The following COL6A5 variants were observed in gnomAD, a reference collection of about 807,000 sequenced individuals.
COL6A5 encodes collagen alpha-5(VI) chain.
COL6A5 carries 48 observed loss-of-function variants against 65.6 expected under a neutral mutation model. The ratio of observed to expected loss-of-function variants is 0.73; its 90% confidence interval spans 0.58 to 0.93. COL6A5 has a LOEUF of 0.93. Ranked by LOEUF, COL6A5 falls within the 40% of genes least tolerant of loss-of-function variation. The pLI, the probability that COL6A5 is intolerant of heterozygous loss-of-function variation, is 0.00. For missense variants in COL6A5, 914 were observed against 928.3 expected (o/e 0.98, Z 0.20); for synonymous variants, 291 against 322.8 (o/e 0.90, Z 1.05).
exon 6 of COL6A5, chr3:130,468,919 T>G (rs749209048): frequency 5.8e-5 from 93 of 1,612,492 alleles, no homozygotes; most frequent in Non-Finnish European, 7.6e-5. Context: ...TAGGAAGTGA[T>G]GAGTTTAAGG....
chr3:130,413,452 T>TA (rs1156624467), intron 20 of COL6A5, 93 bp from the exon 21 acceptor site: 3 of 1,183,902 alleles, frequency 2.5e-6, no homozygotes, highest in Non-Finnish European at 3.7e-6. Context: ...GCTCATTACT[T>TA]ATGTCTAGCA....
At chr3:130,419,152 G>A (rs779224169) in intron 25 of COL6A5, among the ~76,000 whole-genome samples, 1 of 152,074 alleles carries the variant, frequency 6.6e-6, no homozygotes, top group Non-Finnish European at 1.5e-5. Flanking sequence ...GGTAGGCAGA[G>A]AGGATAATGG....
chr3:130,445,072 G>C (rs1260745148), intron 4 of COL6A5, among the ~76,000 whole-genome samples: 1 of 152,210 alleles, frequency 6.6e-6, no homozygotes, highest in Non-Finnish European at 1.5e-5. Flanking sequence ...GCCTTGTTGA[G>C]AATTCCACAT....
At chr3:130,387,981 A>C (rs2107649571) in intron 5 of COL6A5, among the ~76,000 whole-genome samples, 1 of 151,926 alleles carries the variant, frequency 6.6e-6, no homozygotes, top group South Asian at 2.1e-4. Context: ...TCCAATCAGT[A>C]GGCTGTCTAC....
intron 5 of COL6A5, among the ~76,000 whole-genome samples, chr3:130,386,276 T>A (rs1322266731): frequency 6.6e-6 from 1 of 152,056 alleles, no homozygotes; most frequent in Admixed American, 6.6e-5. Flanking sequence ...TCCTTGTTTG[T>A]AGGCTTATTG....
intron 4 of COL6A5, among the ~76,000 whole-genome samples, chr3:130,452,986 T>C (rs564657333): frequency 8.5e-5 from 13 of 152,286 alleles, no homozygotes; most frequent in African/African-American, 2.4e-4. Flanking sequence ...AGCTCACCAG[T>C]GGTCAGAGTT....
At chr3:130,411,947 C>T (rs1403313643) in intron 20 of COL6A5, among the ~76,000 whole-genome samples, 3 of 152,136 alleles carry the variant, frequency 2.0e-5, no homozygotes, top group Non-Finnish European at 4.4e-5. Flanking sequence ...AACTTTCCGA[C>T]GCAGAATAGA....
At chr3:130,472,984 C>A (rs1189037854) in intron 7 of COL6A5, among the ~76,000 whole-genome samples, 1 of 145,056 alleles carries the variant, frequency 6.9e-6, no homozygotes, top group Non-Finnish European at 1.5e-5. Flanking sequence ...ACAAAATCAG[C>A]AAAATGATGG....
intron 5 of COL6A5, among the ~76,000 whole-genome samples, chr3:130,468,296 T>C (rs1709864006): frequency 1.3e-5 from 2 of 152,032 alleles, no homozygotes; most frequent in African/African-American, 4.8e-5. Context: ...TCAGCACTTG[T>C]TTATACTTGC....
Position 130,445,678 on chromosome 3 carries a change from G to C in COL6A5, c.1332+2112G>C, listed in dbSNP as rs562605181. On this transcript the variant is annotated intron_variant, in intron 4 of 7. Coordinates refer to ENST00000512836, the Ensembl canonical transcript of COL6A5. Reference sequence around the variant, plus strand: ...TATCATATGAGGCCTGGTGCGGGGGGGATAATGCCTTTATCTTCGCATTTT... The same window carrying C: ...TATCATATGAGGCCTGGTGCGGGGGCGATAATGCCTTTATCTTCGCATTTT... Among the ~76,000 whole-genome samples the C allele has an allele frequency of 2.0e-4, 30 of 152,128 alleles. No individual in the cohort carries two copies. In the East Asian group the frequency reaches 5.6e-3, roughly 28 times the overall value.
intron 5 of COL6A5, among the ~76,000 whole-genome samples, chr3:130,460,980 C>T (rs562651182): frequency 6.6e-6 from 1 of 151,938 alleles, no homozygotes; most frequent in East Asian, 1.9e-4. Flanking sequence ...TGGATGATGG[C>T]AGCCCTCATA....
At chr3:130,464,225 G>A (rs1463984803) in intron 5 of COL6A5, among the ~76,000 whole-genome samples, 1 of 151,938 alleles carries the variant, frequency 6.6e-6, no homozygotes, top group East Asian at 1.9e-4. Flanking sequence ...TGAAACTCCT[G>A]GGTTCAAGCG....
At chr3:130,360,880 T>C (rs1387889775) in intron 1 of COL6A5, among the ~76,000 whole-genome samples, 1 of 152,116 alleles carries the variant, frequency 6.6e-6, no homozygotes, top group Non-Finnish European at 1.5e-5. Context: ...CATATTTCCA[T>C]GTAACCATAA....
intron 1 of COL6A5, among the ~76,000 whole-genome samples, chr3:130,356,602 C>A (rs1042316122): frequency 3.3e-5 from 5 of 151,912 alleles, no homozygotes; most frequent in African/African-American, 1.2e-4. Context: ...TTGACATATT[C>A]CAGAAAAGAG....
At chr3:130,395,886 CGT>C (rs10590917) in intron 8 of COL6A5, among the ~76,000 whole-genome samples, 31,381 of 149,784 alleles carry the variant, frequency 0.21, 4,894 homozygotes, top group East Asian at 0.6. Context: ...GTAAGGGACT[CGT>C]GTGTGTGTGT....
exon 12 of COL6A5, chr3:130,401,775 A>C: frequency 6.4e-7 from 1 of 1,551,374 alleles, no homozygotes; most frequent in African/African-American, 1.4e-5. Context: ...AATATTGCAG[A>C]GAGGACTTGC....
chr3:130,445,032 A>G (rs1378917544), intron 4 of COL6A5, among the ~76,000 whole-genome samples: 4 of 152,196 alleles, frequency 2.6e-5, no homozygotes, highest in Non-Finnish European at 5.9e-5. Context: ...GTCTTAAATC[A>G]TTAATTTGAT....
exon 6 of COL6A5, chr3:130,469,426 G>A (rs1709895917): frequency 2.5e-6 from 4 of 1,612,956 alleles, no homozygotes; most frequent in Non-Finnish European, 3.4e-6. Flanking sequence ...GAACCCACAA[G>A]CCAGATTGGA....
rs781494208 is a variant in COL6A5 at position 130,395,036 on chromosome 3, G to C, written c.3139G>C (p.Ala1047Pro). Residue 1047 changes from alanine (A) to proline (P), a missense_variant and NMD_transcript_variant, in exon 8 of 42, where the codon GCT becomes CCT. Ala to Pro is a conservative substitution (Grantham distance 27). Coordinates refer to the COL6A5 transcript ENST00000312481. ...GTCTCAAAGAATGAAAATTGGTATG[G>C]CTCAATTTGGAAGCAACTACCAGAG... The C allele has an allele frequency of 7.2e-5, 111 of 1,551,350 alleles. No individual in the cohort carries two copies. The highest frequency in any genetic ancestry group is 9.2e-5 in the Non-Finnish European group (106 of 1,146,884).
Sources: allele counts gnomAD v4.1 joint callset (sites outside exome capture counted in the v4.1 genomes callset), GRCh38; gene constraint gnomAD v4.1.1; transcripts MANE v1.5; gene names NCBI Gene and HGNC (gene_info 2026-07-23, HGNC 2026-07-21).